The following NCK1 variants were observed in gnomAD, a reference collection of about 807,000 sequenced individuals.
The protein encoded by NCK1 is NCK adaptor protein 1.
A neutral mutation model predicts 36.6 loss-of-function variants in NCK1; 19 were observed. The ratio of observed to expected loss-of-function variants is 0.52; its 90% confidence interval spans 0.36 to 0.76. NCK1 has a LOEUF of 0.76. NCK1 is among the 30% of genes least tolerant of loss of function. NCK1 has a pLI of 0.00. For synonymous variants in NCK1, 165 were observed against 156.0 expected, an observed-to-expected ratio of 1.06 and a Z score of -0.43; for missense variants, 358 against 445.6, an observed-to-expected ratio of 0.80 and a Z score of 1.77.
intron 1 of NCK1, among the ~76,000 whole-genome samples, chr3:136,883,698 T>C (rs1406680216): frequency 6.6e-6 from 1 of 152,208 alleles, no homozygotes; most frequent in Non-Finnish European, 1.5e-5. Flanking sequence ...AGGGAATCTA[T>C]TATATAGAAC....
intron 1 of NCK1, among the ~76,000 whole-genome samples, chr3:136,882,438 G>A (rs534966070): frequency 6.6e-6 from 1 of 152,180 alleles, no homozygotes; most frequent in East Asian, 1.9e-4. Context: ...TCACACAGCA[G>A]CACACAACAG....
At chr3:136,926,544 G>A (rs559391459) in intron 1 of NCK1, among the ~76,000 whole-genome samples, 1 of 152,098 alleles carries the variant, frequency 6.6e-6, no homozygotes, top group Admixed American at 6.5e-5. Context: ...TGAAGTGCTG[G>A]GATTACAGGC....
intron 1 of NCK1, among the ~76,000 whole-genome samples, chr3:136,873,901 TC>T (rs1938695597): frequency 6.6e-6 from 1 of 152,190 alleles, no homozygotes. Context: ...TAAACCTCTT[TC>T]TTTTGTAAAT....
At position 136,950,239 on chromosome 3, in the gene NCK1, C is replaced by G. The variant is rs955914471; in HGVS notation, c.*1786C>G. Among the ~76,000 whole-genome samples the G allele has an allele frequency of 6.6e-6, 1 of 151,844 alleles. No homozygotes were observed. The highest frequency in any genetic ancestry group is 2.4e-5 in the African/African-American group (1 of 41,366). On this transcript the variant is annotated 3_prime_UTR_variant, in exon 4 of 4. Transcript: ENST00000481752. ...TTCTCTGTATGTTTCTGGGTTTTCC[C>G]CCAGTCTTCCTTATGAAAAAAATGT...
At chr3:136,911,762 CT>C (rs1319314707) in intron 1 of NCK1, among the ~76,000 whole-genome samples, 1 of 152,076 alleles carries the variant, frequency 6.6e-6, no homozygotes, top group African/African-American at 2.4e-5. Flanking sequence ...CACAGAAGTT[CT>C]AGTGGTAATG....
intron 1 of NCK1, among the ~76,000 whole-genome samples, chr3:136,887,208 G>A (rs1166780052): frequency 2.0e-5 from 3 of 152,158 alleles, no homozygotes; most frequent in Non-Finnish European, 2.9e-5. Context: ...CCAGACTGGA[G>A]TACAGTGGCT....
chr3:136,908,661 A>G (rs1004207818), intron 1 of NCK1, among the ~76,000 whole-genome samples: 4 of 152,230 alleles, frequency 2.6e-5, no homozygotes, highest in African/African-American at 9.6e-5. Flanking sequence ...GGTGACATCT[A>G]ACTCCAAAGG....
intron 2 of NCK1, among the ~76,000 whole-genome samples, chr3:136,941,728 A>G (rs866278500): frequency 2.6e-5 from 4 of 152,162 alleles, no homozygotes; most frequent in Admixed American, 2.6e-4. Flanking sequence ...AAAAACTGCA[A>G]TACTACTGAC....
intron 1 of NCK1, among the ~76,000 whole-genome samples, chr3:136,905,136 C>T (rs903725751): frequency 4.0e-5 from 6 of 151,876 alleles, no homozygotes; most frequent in East Asian, 1.9e-4. Context: ...CCTCAGCCTC[C>T]GAAGTAGCTG....
At chr3:136,874,463 A>T (rs1938710635) in intron 1 of NCK1, among the ~76,000 whole-genome samples, 1 of 152,212 alleles carries the variant, frequency 6.6e-6, no homozygotes, top group South Asian at 2.1e-4. Context: ...TACAGGCGTG[A>T]GCCACCACGC....
At chr3:136,903,033 C>G (rs1939588372) in intron 1 of NCK1, among the ~76,000 whole-genome samples, 1 of 146,994 alleles carries the variant, frequency 6.8e-6, no homozygotes, top group South Asian at 2.2e-4. Flanking sequence ...CCATTTAATG[C>G]TCACAGTGGG....
At chr3:136,893,927 T>C (rs1408371784) in intron 1 of NCK1, among the ~76,000 whole-genome samples, 1 of 152,188 alleles carries the variant, frequency 6.6e-6, no homozygotes, top group Non-Finnish European at 1.5e-5. Flanking sequence ...TTCTGTCCTT[T>C]CGGCTTTCAT....
intron 1 of NCK1, among the ~76,000 whole-genome samples, chr3:136,913,814 G>A (rs922288623): frequency 2.6e-5 from 4 of 152,110 alleles, no homozygotes; most frequent in Admixed American, 2.6e-4. Flanking sequence ...GACTACAGGC[G>A]CCCGCCACCG....
At chr3:136,910,156 A>G (rs1034112256) in intron 1 of NCK1, among the ~76,000 whole-genome samples, 1 of 152,102 alleles carries the variant, frequency 6.6e-6, no homozygotes, top group African/African-American at 2.4e-5. Context: ...TTGCTGCATT[A>G]CTGTCTTTTG....
chr3:136,898,636 G>C (rs1327026088), intron 1 of NCK1, among the ~76,000 whole-genome samples: 1 of 152,130 alleles, frequency 6.6e-6, no homozygotes, highest in Non-Finnish European at 1.5e-5. Context: ...CAATAAAACT[G>C]ATAATATAGC....
chr3:136,933,364 T>C (rs559643353), intron 2 of NCK1, among the ~76,000 whole-genome samples: 3 of 152,202 alleles, frequency 2.0e-5, no homozygotes, highest in Non-Finnish European at 4.4e-5. Flanking sequence ...CCAGGTCACA[T>C]AAGGAATAGT....
At chr3:136,902,188 T>TC (rs1205370557) in intron 1 of NCK1, among the ~76,000 whole-genome samples, 1 of 87,840 alleles carries the variant, frequency 1.1e-5, no homozygotes, top group Non-Finnish European at 2.5e-5. Flanking sequence ...CTCTTTGTTT[T>TC]TTTTTTTTTT....
chr3:136,878,700 A>AGTAAG (rs1938843639), intron 1 of NCK1, among the ~76,000 whole-genome samples: 3 of 54,432 alleles, frequency 5.5e-5, no homozygotes, highest in Admixed American at 2.4e-4. Context: ...GTTGTATCTC[A>AGTAAG]ATAAAGCTAT....
At chr3:136,893,187 T>TACACAC (rs1226338778) in intron 1 of NCK1, among the ~76,000 whole-genome samples, 11 of 133,792 alleles carry the variant, frequency 8.2e-5, no homozygotes, top group South Asian at 2.6e-4. Flanking sequence ...TGTATATATA[T>TACACAC]ATATACACAC....
Sources: gnomAD v4.1 joint callset for allele counts (sites outside exome capture counted in the v4.1 genomes callset) on GRCh38, gnomAD v4.1.1 for gene constraint, MANE v1.5 for transcripts, NCBI Gene and HGNC (gene_info 2026-07-23, HGNC 2026-07-21) for gene names.